Variants in EBF1 observed in about 807,000 individuals in gnomAD.
EBF1 encodes EBF transcription factor 1.
In EBF1, 10 loss-of-function variants were observed where a neutral mutation model predicts 68.4. The observed-to-expected ratio is 0.15, with a 90% CI of 0.09 to 0.25. The LOEUF (loss-of-function observed/expected upper bound fraction) is 0.25, where lower values mean the gene tolerates loss of function less well. Ranked by LOEUF, EBF1 falls within the 10% of genes least tolerant of loss-of-function variation. EBF1 has a pLI of 1.00. For synonymous variants in EBF1, 298 were observed against 299.8 expected (o/e 0.99, Z 0.06); for missense variants, 509 against 794.4 (o/e 0.64, Z 4.32).
intron 6 of EBF1, among the ~76,000 whole-genome samples, chr5:158,973,083 C>T (rs896052416): frequency 4.6e-5 from 7 of 152,188 alleles, no homozygotes; most frequent in African/African-American, 9.7e-5. Flanking sequence ...CACCATTTGA[C>T]GTACTGGATA....
chr5:158,854,005 G>T (rs547184148), intron 6 of EBF1, among the ~76,000 whole-genome samples: 1 of 152,074 alleles, frequency 6.6e-6, no homozygotes, highest in Admixed American at 6.5e-5. Context: ...TTCTCCAGCC[G>T]ACTGACTCCA....
chr5:158,791,318 CA>C (rs70987931), intron 9 of EBF1, among the ~76,000 whole-genome samples: 11,685 of 69,038 alleles, frequency 0.17, 338 homozygotes, highest in South Asian at 0.26. Flanking sequence ...GATTCCATCT[CA>C]AAAAAAAAAA....
chr5:159,093,235 G>C (rs1433894266), intron 4 of EBF1, among the ~76,000 whole-genome samples: 2 of 152,160 alleles, frequency 1.3e-5, no homozygotes, highest in Non-Finnish European at 2.9e-5. Flanking sequence ...ATTGGATAAT[G>C]AGTAGGAACT....
chr5:158,858,671 C>A (rs1056636801), intron 6 of EBF1, among the ~76,000 whole-genome samples: 1 of 152,290 alleles, frequency 6.6e-6, no homozygotes, highest in African/African-American at 2.4e-5. Flanking sequence ...TGCAAAATAT[C>A]AAGTTTCATA....
chr5:158,711,455 T>C (rs1328865235), intron 14 of EBF1, among the ~76,000 whole-genome samples: 2 of 152,294 alleles, frequency 1.3e-5, no homozygotes, highest in Middle Eastern at 3.4e-3. Context: ...GCTCACTGTA[T>C]GCGCTATCTT....
At chr5:158,801,642 TGA>T in intron 8 of EBF1, among the ~76,000 whole-genome samples, 1 of 145,534 alleles carries the variant, frequency 6.9e-6, no homozygotes, top group Admixed American at 7.0e-5. Flanking sequence ...ATGGTCATGG[TGA>T]GAAGGAAAAG....
At chr5:158,915,018 T>C (rs915635931) in intron 6 of EBF1, among the ~76,000 whole-genome samples, 1 of 152,202 alleles carries the variant, frequency 6.6e-6, no homozygotes, top group Non-Finnish European at 1.5e-5. Context: ...TTTTAGTTCA[T>C]AAGTAATTTG....
Position 158,712,216 on chromosome 5 carries a change from A to G in EBF1, c.1487T>C (p.Met496Thr). Residue 496 changes from methionine to threonine, a missense_variant, in exon 14 of 16, where the codon ATG becomes ACG. By Grantham distance (81) the Met-to-Thr change is moderately conservative. This residue lies in a region of EBF1 where 205 missense variants were observed against 247.4 expected (regional missense o/e 0.83). Coordinates refer to ENST00000313708, the MANE Select transcript of EBF1 (RefSeq NM_024007.5). The part of the protein sequence containing the change: ...TSMNGYGSAA[M>T]SNLGGSPTFL... Reference sequence around the variant, plus strand: ...GGTGGGGGAGCCGCCCAAATTGGACATTGCGGCAGAGCCGTATCCGTTCAT... The same window carrying G: ...GGTGGGGGAGCCGCCCAAATTGGACGTTGCGGCAGAGCCGTATCCGTTCAT... 1 of 1,613,730 alleles carries G rather than the reference A, an allele frequency of 6.2e-7. No individual in the cohort carries two copies. Among genetic ancestry groups the G allele is most frequent in the Non-Finnish European group, 8.5e-7 (1 of 1,179,886 alleles).
chr5:158,822,275 T>C (rs1470293655), intron 8 of EBF1, among the ~76,000 whole-genome samples: 11 of 77,380 alleles, frequency 1.4e-4, no homozygotes, highest in Non-Finnish European at 2.5e-4. Context: ...GACGGATGGA[T>C]GGATGGATGG....
chr5:158,841,896 A>G (rs572627615), intron 6 of EBF1, among the ~76,000 whole-genome samples: 1 of 152,204 alleles, frequency 6.6e-6, no homozygotes, highest in African/African-American at 2.4e-5. Flanking sequence ...GTTTAACACC[A>G]CACAACATTT....
chr5:158,820,247 C>T (rs1026572796), intron 8 of EBF1, among the ~76,000 whole-genome samples: 3 of 140,934 alleles, frequency 2.1e-5, no homozygotes, highest in African/African-American at 5.3e-5. Context: ...TCTCACCATG[C>T]GGTAGCTGTT....
chr5:159,020,203 C>T (rs900387085), intron 6 of EBF1, among the ~76,000 whole-genome samples: 10 of 152,156 alleles, frequency 6.6e-5, no homozygotes, highest in South Asian at 6.2e-4. Context: ...CATGAGGCAG[C>T]AGTTCTTAAC....
intron 6 of EBF1, among the ~76,000 whole-genome samples, chr5:158,846,391 TA>T (rs1438634445): frequency 2.6e-5 from 4 of 152,156 alleles, no homozygotes; most frequent in African/African-American, 9.7e-5. Flanking sequence ...TGCCCAGAAA[TA>T]GCCAAGGAAG....
intron 4 of EBF1, among the ~76,000 whole-genome samples, chr5:159,087,371 C>CACATATATATACACATATATAT (rs1229409451): frequency 2.1e-5 from 3 of 141,748 alleles, no homozygotes; most frequent in African/African-American, 5.2e-5. Flanking sequence ...TATATATACA[C>CACATATATATACACATATATAT]ACATATATAT....
intron 10 of EBF1, among the ~76,000 whole-genome samples, chr5:158,761,817 A>ATT (rs771919951): frequency 1.3e-4 from 20 of 152,232 alleles, no homozygotes; most frequent in Admixed American, 2.0e-4. Flanking sequence ...AAAATGGGAG[A>ATT]ATATTATATT....
chr5:158,805,898 A>G (rs1781495469), intron 8 of EBF1, among the ~76,000 whole-genome samples: 1 of 152,030 alleles, frequency 6.6e-6, no homozygotes, highest in Non-Finnish European at 1.5e-5. Flanking sequence ...TCACTTAACA[A>G]AATTAGCTAC....
At position 158,787,923 on chromosome 5, in the gene EBF1, C is replaced by G. The variant is rs141586080; in HGVS notation, c.909+8422G>C. ...TATATCTAAATATAAACTACCTACCCATACATGCATTAGCAAAACCTGGAC... is the reference window on the plus strand; with the variant it reads ...TATATCTAAATATAAACTACCTACCGATACATGCATTAGCAAAACCTGGAC... On this transcript the variant is annotated intron_variant, in intron 9 of 15. Transcript: ENST00000313708. Among the ~76,000 whole-genome samples the G allele has an allele frequency of 2.0e-4, 31 of 152,286 alleles. No homozygotes were observed. In the East Asian group the frequency reaches 5.8e-3, roughly 28 times the overall value.
At chr5:158,785,204 C>A (rs1016443216) in intron 9 of EBF1, among the ~76,000 whole-genome samples, 5 of 152,040 alleles carry the variant, frequency 3.3e-5, no homozygotes, top group Non-Finnish European at 7.4e-5. Flanking sequence ...AATCAAACTA[C>A]GGATTTTTAA....
intron 6 of EBF1, among the ~76,000 whole-genome samples, chr5:158,939,675 T>C (rs62385383): frequency 0.54 from 81,544 of 151,082 alleles, 22,524 homozygotes; most frequent in South Asian, 0.74. Context: ...TGTAGGAAAA[T>C]CTTTAGTCTG....
Sources: gnomAD v4.1 joint callset for allele counts (sites outside exome capture counted in the v4.1 genomes callset) on GRCh38, gnomAD v4.1.1 for gene constraint, gnomAD v4.1.1 regional missense constraint, MANE v1.5 for transcripts, NCBI Gene and HGNC (gene_info 2026-07-23, HGNC 2026-07-21) for gene names.